ZFHX3: variants seen among roughly 807,000 people sequenced by gnomAD.
ZFHX3 encodes the protein zinc finger homeobox 3.
In ZFHX3, 42 loss-of-function variants were observed where a neutral mutation model predicts 279.1. That is an observed-to-expected ratio of 0.15 (90% confidence interval 0.12 to 0.19). The LOEUF is 0.19. Ranked by LOEUF, ZFHX3 falls within the 10% of genes least tolerant of loss-of-function variation. The pLI is 1.00. For synonymous variants in ZFHX3, 2,293 were observed against 1,957.8 expected, an observed-to-expected ratio of 1.17 and a Z score of -4.52; for missense variants, 4,981 against 4,754.0, an observed-to-expected ratio of 1.05 and a Z score of -1.40.
chr16:72,814,340 G>C (rs962232408), intron 5 of ZFHX3, among the ~76,000 whole-genome samples: 1 of 152,108 alleles, frequency 6.6e-6, no homozygotes, highest in Non-Finnish European at 1.5e-5. Flanking sequence ...CAATCTGCCT[G>C]CCCCCTACTA....
rs1469034706 is a variant in ZFHX3 at position 72,958,763 on chromosome 16, C to T, written c.1383G>A (p.Glu461=). 7.4e-6 allele frequency: 12 copies of T among 1,613,962 alleles called. No homozygotes were observed. The highest frequency in any genetic ancestry group is 1.3e-5 in the African/African-American group (1 of 74,908). ...CFSEKVEPAE[E]EAEEEEEEEE... is the part of the protein sequence containing the mutation. ...CCTCCTCCTCTTCCTCCTCCGCCTC[C>T]TCTTCGGCTGGCTCTACCTTCTCAG... is the stretch of plus-strand genomic sequence containing the variant. The change falls in exon 2 of 10, where the codon GAG becomes GAA. Residue 461 remains glutamate, a synonymous_variant. Coordinates refer to ENST00000268489, the MANE Select transcript of ZFHX3 (RefSeq NM_006885.4).
chr16:73,672,740 A>G (rs957321125), intron 2 of ZFHX3, among the ~76,000 whole-genome samples: 1 of 5,764 alleles, frequency 1.7e-4, no homozygotes, highest in Non-Finnish European at 2.7e-4. Flanking sequence ...GAAAGAGCAT[A>G]TGCTTTTTAT....
chr16:73,534,387 C>T (rs2019858384), intron 2 of ZFHX3, among the ~76,000 whole-genome samples: 1 of 152,172 alleles, frequency 6.6e-6, no homozygotes, highest in African/African-American at 2.4e-5. Flanking sequence ...AACCTGCCAC[C>T]AACTCCAGAC....
intron 5 of ZFHX3, among the ~76,000 whole-genome samples, chr16:73,169,266 T>C (rs925565260): frequency 2.6e-5 from 4 of 152,220 alleles, no homozygotes; most frequent in African/African-American, 9.6e-5. Context: ...AGAGATTTGC[T>C]GAAATAGACT....
chr16:73,646,963 G>A (rs568442069), intron 2 of ZFHX3, among the ~76,000 whole-genome samples: 2 of 152,024 alleles, frequency 1.3e-5, no homozygotes, highest in East Asian at 3.9e-4. Flanking sequence ...CTGAGAAACA[G>A]GAGATGTTTC....
At chr16:73,779,207 AT>A (rs1369545586) in intron 1 of ZFHX3, among the ~76,000 whole-genome samples, 2 of 151,992 alleles carry the variant, frequency 1.3e-5, no homozygotes, top group Admixed American at 6.6e-5. Context: ...TCTGGGGGTG[AT>A]TTTTTTTCTT....
At chr16:73,243,309 G>A (rs1388398265) in intron 5 of ZFHX3, among the ~76,000 whole-genome samples, 1 of 152,182 alleles carries the variant, frequency 6.6e-6, no homozygotes, top group Non-Finnish European at 1.5e-5. Flanking sequence ...ATTTCTTAGT[G>A]GGTATTGGAA....
In ZFHX3 at chr16:73,265,293, G is replaced by A. The variant is rs138486807; in HGVS notation, c.-1193-8157C>T. 9.9e-4 allele frequency among the ~76,000 whole-genome samples: 150 copies of A among 152,228 alleles called. 1 individual carries two copies. The East Asian group carries it at 0.011, about 11-fold the overall frequency. ...GCTGGGGATCTGGAAATCCTGGGGC[G>A]GAGCAGCAGTCATGAGGAGGAGCCA... On this transcript the variant is annotated intron_variant, in intron 4 of 17. Coordinates refer to the ZFHX3 transcript ENST00000641206.
intron 5 of ZFHX3, among the ~76,000 whole-genome samples, chr16:73,189,920 C>T (rs1371783757): frequency 1.3e-5 from 2 of 151,892 alleles, no homozygotes; most frequent in African/African-American, 4.8e-5. Context: ...ATAGGGAGAC[C>T]CTCATCTCTA....
At chr16:73,586,616 C>T (rs57851926) in intron 2 of ZFHX3, among the ~76,000 whole-genome samples, 2,361 of 152,044 alleles carry the variant, frequency 0.016, 73 homozygotes, top group African/African-American at 0.054. Context: ...ATGACACAGC[C>T]TCATATATAT....
In ZFHX3 at chr16:73,058,870, C is replaced by T. The variant is rs537779643; in HGVS notation, c.-364G>A. On this transcript the variant is annotated 5_prime_UTR_variant, in exon 1 of 9. Coordinates refer to the ZFHX3 transcript ENST00000397992. The stretch of plus-strand genomic sequence containing the variant: ...GCGGGCAGGGGCCACGGAAGAGAAG[C>T]GGCGGCGGCGGCGGCAGCGGCTCTA... The T allele has an allele frequency of 7.9e-3, 1,213 of 153,774 alleles. 21 individuals carry two copies. The highest frequency in any genetic ancestry group is 0.031 in the African/African-American group (1,159 of 37,594). The allele number at this position is 153,774 out of a possible 1,614,324, so 9.5% of individuals were successfully genotyped here.
chr16:73,801,260 C>T (rs564674490), intron 1 of ZFHX3, among the ~76,000 whole-genome samples: 2 of 152,266 alleles, frequency 1.3e-5, no homozygotes, highest in South Asian at 4.2e-4. Flanking sequence ...TCTCTGGTGC[C>T]TGAGCAATTC....
At chr16:73,237,449 C>T (rs1158028255) in intron 5 of ZFHX3, among the ~76,000 whole-genome samples, 1 of 151,646 alleles carries the variant, frequency 6.6e-6, no homozygotes, top group African/African-American at 2.4e-5. Flanking sequence ...ATGTTGTCTA[C>T]CCTGGACTGA....
intron 3 of ZFHX3, among the ~76,000 whole-genome samples, chr16:72,944,698 T>G (rs946793882): frequency 6.6e-6 from 1 of 152,196 alleles, no homozygotes; most frequent in Non-Finnish European, 1.5e-5. Context: ...TTACTTTAAC[T>G]GTAAAAAATA....
At chr16:73,631,856 G>A (rs375476322) in intron 2 of ZFHX3, among the ~76,000 whole-genome samples, 2 of 151,782 alleles carry the variant, frequency 1.3e-5, no homozygotes, top group South Asian at 2.1e-4. Context: ...GCAGTGAGCC[G>A]AGATCGTGCC....
At chr16:73,629,815 T>A (rs2052451422) in intron 2 of ZFHX3, among the ~76,000 whole-genome samples, 1 of 152,018 alleles carries the variant, frequency 6.6e-6, no homozygotes, top group Non-Finnish European at 1.5e-5. Flanking sequence ...ATGATTGGGA[T>A]AACTAAAAAG....
chr16:73,681,616 C>T (rs1032762475), intron 1 of ZFHX3, among the ~76,000 whole-genome samples: 2 of 152,174 alleles, frequency 1.3e-5, no homozygotes, highest in Non-Finnish European at 2.9e-5. Context: ...ACGGCTAAGT[C>T]TGGCAAGGCT....
At chr16:73,285,022 T>G (rs780948610) in intron 4 of ZFHX3, among the ~76,000 whole-genome samples, 5 of 152,168 alleles carry the variant, frequency 3.3e-5, no homozygotes, top group Non-Finnish European at 7.3e-5. Flanking sequence ...TTTATAAAAT[T>G]TTCTTTTTTG....
At chr16:73,084,517 T>G (rs908305645) in intron 8 of ZFHX3, among the ~76,000 whole-genome samples, 6 of 139,064 alleles carry the variant, frequency 4.3e-5, no homozygotes, top group Admixed American at 1.4e-4. Flanking sequence ...GGACTAAATT[T>G]TTTTTTTTTT....
Sources: allele counts gnomAD v4.1 joint callset (sites outside exome capture counted in the v4.1 genomes callset), GRCh38; gene constraint gnomAD v4.1.1; transcripts MANE v1.5; gene names NCBI Gene and HGNC (gene_info 2026-07-23, HGNC 2026-07-21).